The following NRXN3 variants were observed in gnomAD, a reference collection of about 807,000 sequenced individuals.
NRXN3 encodes neurexin 3.
NRXN3 carries 32 observed loss-of-function variants against 137.6 expected under a neutral mutation model. That is an observed-to-expected ratio of 0.23 (90% CI 0.18 to 0.31). The LOEUF (loss-of-function observed/expected upper bound fraction) is 0.31, where lower values mean the gene tolerates loss of function less well. Ranked by LOEUF, NRXN3 falls within the 10% of genes least tolerant of loss-of-function variation. The pLI, the probability that NRXN3 is intolerant of heterozygous loss-of-function variation, is 1.00. For synonymous variants in NRXN3, 798 were observed against 784.5 expected, an observed-to-expected ratio of 1.02 and a Z score of -0.29; for missense variants, 1,574 against 2,062.5, an observed-to-expected ratio of 0.76 and a Z score of 4.59.
intron 15 of NRXN3, among the ~76,000 whole-genome samples, chr14:79,040,909 G>A (rs1156817077): frequency 6.6e-6 from 1 of 152,092 alleles, no homozygotes; most frequent in Non-Finnish European, 1.5e-5. Context: ...CACCTGTTTA[G>A]CCTTTCTTAT....
At chr14:78,707,807 C>A (rs796194494) in intron 6 of NRXN3, among the ~76,000 whole-genome samples, 1 of 152,170 alleles carries the variant, frequency 6.6e-6, no homozygotes, top group Non-Finnish European at 1.5e-5. Context: ...ATACAATGTT[C>A]GGTTTTCCAT....
chr14:78,544,902 C>T (rs934219183), intron 4 of NRXN3, among the ~76,000 whole-genome samples: 1 of 152,130 alleles, frequency 6.6e-6, no homozygotes, highest in Non-Finnish European at 1.5e-5. Context: ...GAGAGGTTTG[C>T]CCAAGAGACA....
intron 15 of NRXN3, among the ~76,000 whole-genome samples, chr14:79,347,160 A>G (rs1184659630): frequency 6.6e-6 from 1 of 152,194 alleles, no homozygotes; most frequent in East Asian, 1.9e-4. Context: ...AATACAGAAT[A>G]AATTTCTTTG....
At chr14:79,446,145 A>G (rs1158718164) in intron 15 of NRXN3, among the ~76,000 whole-genome samples, 1 of 152,220 alleles carries the variant, frequency 6.6e-6, no homozygotes, top group Non-Finnish European at 1.5e-5. Flanking sequence ...AAGAAAATAT[A>G]GAGTTTATAT....
intron 16 of NRXN3, among the ~76,000 whole-genome samples, chr14:79,655,592 A>C (rs775544534): frequency 7.2e-5 from 11 of 152,160 alleles, no homozygotes; most frequent in Non-Finnish European, 1.3e-4. Context: ...TTTTTCATGC[A>C]ATACATGCTC....
intron 15 of NRXN3, among the ~76,000 whole-genome samples, chr14:79,275,436 C>A (rs1453802149): frequency 6.6e-6 from 1 of 152,112 alleles, no homozygotes; most frequent in African/African-American, 2.4e-5. Flanking sequence ...CGAAGAACAA[C>A]TTGACAGGTA....
chr14:79,676,486 A>C (rs2098641501), intron 17 of NRXN3, among the ~76,000 whole-genome samples: 1 of 151,878 alleles, frequency 6.6e-6, no homozygotes, highest in Non-Finnish European at 1.5e-5. Context: ...GGGATGAATA[A>C]GTCTAGAGAT....
At position 78,573,115 on chromosome 14, in the gene NRXN3, C is replaced by T. The variant is rs376887237; in HGVS notation, c.758-72005C>T. 5.5e-4 allele frequency among the ~76,000 whole-genome samples: 83 copies of T among 152,150 alleles called. 1 individual carries two copies. Among genetic ancestry groups the T allele is most frequent in the Non-Finnish European group, 1.8e-4 (12 of 68,042 alleles). On this transcript the variant is annotated intron_variant, in intron 4 of 20. Transcript: ENST00000335750. The stretch of plus-strand genomic sequence containing the variant: ...GCACTCATTCTCTATCCTACTGCCC[C>T]GTGAAGAGATGCCTTCTGCCATGAT...
intron 15 of NRXN3, among the ~76,000 whole-genome samples, chr14:79,125,807 T>A (rs912215846): frequency 6.6e-6 from 1 of 152,118 alleles, no homozygotes; most frequent in African/African-American, 2.4e-5. Flanking sequence ...GTCTTTTTCA[T>A]CTCTCGCTGA....
chr14:79,217,100 G>A (rs1326006470), intron 15 of NRXN3, among the ~76,000 whole-genome samples: 1 of 151,896 alleles, frequency 6.6e-6, no homozygotes, highest in Non-Finnish European at 1.5e-5. Flanking sequence ...TCACACCACT[G>A]CATTCCAGTC....
Position 79,663,689 on chromosome 14 carries a change from C to T in NRXN3, c.3445-89C>T, listed in dbSNP as rs1301525499. ...GCTGACAGCTCCCTCTGGGCACCTACAGGTTTATTGCTGGTTGGAGGATCA... is the reference window on the plus strand; with the variant it reads ...GCTGACAGCTCCCTCTGGGCACCTATAGGTTTATTGCTGGTTGGAGGATCA... On this transcript the variant is annotated intron_variant, in intron 16 of 20. Coordinates refer to ENST00000335750, the MANE Select transcript of NRXN3 (RefSeq NM_001330195.2). The T allele has an allele frequency of 2.4e-5, 27 of 1,108,288 alleles. No individual in the cohort carries two copies. The South Asian group carries it at 3.6e-4, about 15-fold the overall frequency. 68.7% of individuals were successfully genotyped at this position (1,108,288 alleles called of 1,614,324 possible).
chr14:79,811,982 T>G (rs904183744), intron 20 of NRXN3, among the ~76,000 whole-genome samples: 1 of 152,128 alleles, frequency 6.6e-6, no homozygotes, highest in Admixed American at 6.6e-5. Flanking sequence ...GTGAAATGCT[T>G]TGAAAATTAG....
intron 16 of NRXN3, among the ~76,000 whole-genome samples, chr14:79,499,298 G>A (rs776496631): frequency 6.6e-6 from 1 of 152,156 alleles, no homozygotes; most frequent in Non-Finnish European, 1.5e-5. Flanking sequence ...TGCCTGGTTT[G>A]TTCTAGCTTT....
intron 2 of NRXN3, among the ~76,000 whole-genome samples, chr14:78,262,136 A>G (rs1215337710): frequency 1.3e-5 from 2 of 152,190 alleles, no homozygotes; most frequent in Non-Finnish European, 2.9e-5. Context: ...GCGGGGCTGT[A>G]TGTGTTCATT....
intron 10 of NRXN3, among the ~76,000 whole-genome samples, chr14:78,910,429 GTAACT>G (rs950872923): frequency 1.3e-5 from 2 of 152,046 alleles, no homozygotes; most frequent in African/African-American, 4.8e-5. Context: ...TGCTATCATT[GTAACT>G]TAACTTTTGT....
intron 15 of NRXN3, among the ~76,000 whole-genome samples, chr14:79,301,704 A>G (rs1024738282): frequency 4.0e-5 from 6 of 151,784 alleles, no homozygotes; most frequent in Non-Finnish European, 7.4e-5. Context: ...ATTAATATCC[A>G]AGTGTGTGTG....
At chr14:78,807,765 GAAAA>G (rs2098884996) in intron 9 of NRXN3, among the ~76,000 whole-genome samples, 2 of 61,546 alleles carry the variant, frequency 3.2e-5, no homozygotes, top group Non-Finnish European at 6.5e-5. Context: ...AGAAAGAAAA[GAAAA>G]AGAAAGAGAA....
At chr14:79,177,941 C>T (rs1348560051) in intron 15 of NRXN3, among the ~76,000 whole-genome samples, 3 of 152,108 alleles carry the variant, frequency 2.0e-5, no homozygotes, top group African/African-American at 7.2e-5. Context: ...TTTTTTATTA[C>T]TAATTTGTTT....
chr14:79,413,698 C>T (rs1204969389), intron 15 of NRXN3, among the ~76,000 whole-genome samples: 2 of 151,992 alleles, frequency 1.3e-5, no homozygotes, highest in Non-Finnish European at 2.9e-5. Context: ...TAACTTCCCT[C>T]CTCTTATATC....
Sources: gnomAD v4.1 joint callset for allele counts (sites outside exome capture counted in the v4.1 genomes callset) on GRCh38, gnomAD v4.1.1 for gene constraint, MANE v1.5 for transcripts, NCBI Gene and HGNC (gene_info 2026-07-23, HGNC 2026-07-21) for gene names.